SLC45A2: variants seen among roughly 807,000 people sequenced by gnomAD.
The protein encoded by SLC45A2 is membrane-associated transporter protein.
A neutral mutation model predicts 45.5 loss-of-function variants in SLC45A2; 36 were observed. That is an observed-to-expected ratio of 0.79 (90% CI 0.61 to 1.04). The LOEUF (loss-of-function observed/expected upper bound fraction) is 1.04, where lower values mean the gene tolerates loss of function less well. Among genes scored for constraint, SLC45A2 ranks in the 50% least tolerant of loss-of-function variants. The probability of loss-of-function intolerance (pLI) is 0.00; values close to 1 mark genes in which losing one functional copy is unlikely to be tolerated. For synonymous variants in SLC45A2, 306 were observed against 269.3 expected, an observed-to-expected ratio of 1.14 and a Z score of -1.33; for missense variants, 719 against 671.0, an observed-to-expected ratio of 1.07 and a Z score of -0.79.
At position 33,952,667 on chromosome 5, in the gene SLC45A2, A is replaced by C. The variant is rs372883614; in HGVS notation, c.1033-990T>G. On this transcript the variant is annotated intron_variant, in intron 4 of 6. Coordinates refer to ENST00000296589, the MANE Select transcript of SLC45A2 (RefSeq NM_016180.5). ...GGAGCTAACAAGTTAATTTCTATTG[A>C]GCAAAAGTTTTTTTTTTTTTTTTAA... Among the ~76,000 whole-genome samples the C allele has an allele frequency of 4.7e-3, 670 of 141,248 alleles. 5 individuals carry two copies. Among genetic ancestry groups the C allele is most frequent in the African/African-American group, 0.015 (569 of 38,292 alleles). 92.7% of individuals were successfully genotyped at this position (141,248 alleles called of 152,430 possible). A position where few individuals can be genotyped will look rare whatever the true frequency, so the allele number is the denominator to read the frequency against.
At chr5:33,967,783 GACACACACACACACACACACAC>G (rs10529094) in intron 2 of SLC45A2, among the ~76,000 whole-genome samples, 46 of 146,976 alleles carry the variant, frequency 3.1e-4, no homozygotes, top group Non-Finnish European at 5.8e-4. Context: ...TATTTTGCTA[GACACACACACACACACACACAC>G]ACACACACAC....
chr5:33,947,739 G>A (rs1405574045), intron 5 of SLC45A2, among the ~76,000 whole-genome samples: 2 of 152,196 alleles, frequency 1.3e-5, no homozygotes, highest in African/African-American at 2.4e-5. Context: ...AATCAGATGG[G>A]CTGTGGCCCC....
At chr5:33,958,356 G>A (rs950033657) in intron 3 of SLC45A2, among the ~76,000 whole-genome samples, 1 of 152,162 alleles carries the variant, frequency 6.6e-6, no homozygotes, top group Admixed American at 6.5e-5. Flanking sequence ...CAGCCCTGAA[G>A]CCTTGGCCCT....
chr5:33,982,923 G>C (rs139596355), intron 1 of SLC45A2, among the ~76,000 whole-genome samples: 2 of 152,182 alleles, frequency 1.3e-5, no homozygotes, highest in South Asian at 2.1e-4. Context: ...CTCCTTTTAC[G>C]CACTTCTGCA....
At chr5:33,960,720 A>G (rs1752428373) in intron 3 of SLC45A2, among the ~76,000 whole-genome samples, 1 of 152,190 alleles carries the variant, frequency 6.6e-6, no homozygotes, top group Non-Finnish European at 1.5e-5. Context: ...GAACTTACTC[A>G]TGTAACCAAA....
At chr5:33,952,259 G>T (rs1752129612) in intron 4 of SLC45A2, among the ~76,000 whole-genome samples, 1 of 151,976 alleles carries the variant, frequency 6.6e-6, no homozygotes, top group African/African-American at 2.4e-5. Flanking sequence ...CGAAAGCACT[G>T]AGATTACAGG....
chr5:33,946,512 G>C, intron 6 of SLC45A2: 1 of 985,618 alleles, frequency 1.0e-6, no homozygotes, highest in African/African-American at 1.7e-5. Flanking sequence ...TAATTTTAGA[G>C]TGGAAACACC....
rs121912620 is a variant in SLC45A2 at position 33,944,784 on chromosome 5, G to A, written c.1457C>T (p.Ala486Val). 5 of 1,614,048 alleles carry A rather than the reference G, an allele frequency of 3.1e-6. No individual in the cohort carries two copies. Among genetic ancestry groups the A allele is most frequent in the Non-Finnish European group, 4.2e-6 (5 of 1,180,038 alleles). Residue 486 changes from alanine (A) to valine (V), a missense_variant, in exon 7 of 7, where the codon GCT becomes GTT. Ala to Val is a moderately conservative substitution (Grantham distance 64). Transcript: ENST00000296589. ...CATLTCMVQL[A>V]QILVGGGLGF... ...CAGGCCACCTCCGACCAGGATCTGA[G>A]CCAGCTGCACCATGCATGTGAGGGT...
intron 2 of SLC45A2, among the ~76,000 whole-genome samples, chr5:33,969,588 C>T (rs1752722391): frequency 6.6e-6 from 1 of 152,128 alleles, no homozygotes; most frequent in African/African-American, 2.4e-5. Flanking sequence ...TTCAGAGTTC[C>T]GAAAGCCCTT....
At chr5:33,946,243 C>T (rs1159759994) in intron 6 of SLC45A2, 2 of 985,286 alleles carry the variant, frequency 2.0e-6, no homozygotes, top group Admixed American at 1.2e-4. Flanking sequence ...CAATGTTTGC[C>T]AGGGGATGAG....
intron 1 of SLC45A2, 50 bp from the exon 2 acceptor site, chr5:33,982,462 C>T (rs1268617533): frequency 3.8e-6 from 6 of 1,577,328 alleles, no homozygotes; most frequent in South Asian, 2.3e-5. Flanking sequence ...TAGAATCATC[C>T]GCGTTTTGTA....
intron 2 of SLC45A2, among the ~76,000 whole-genome samples, chr5:33,966,696 T>C (rs1446849218): frequency 6.6e-6 from 1 of 152,162 alleles, no homozygotes; most frequent in Non-Finnish European, 1.5e-5. Context: ...TGGTGCTAGT[T>C]AATAGTAACA....
At chr5:33,951,339 G>T (rs1752088645) in intron 5 of SLC45A2, 1 of 1,306,282 alleles carries the variant, frequency 7.7e-7, no homozygotes, top group African/African-American at 1.5e-5. Flanking sequence ...GATTCCAAGA[G>T]CAAAGTAATC....
At chr5:33,984,084 A>C in intron 1 of SLC45A2, 115 bp downstream of exon 1, 2 of 1,460,638 alleles carry the variant, frequency 1.4e-6, no homozygotes, top group Non-Finnish European at 1.9e-6. Flanking sequence ...GTAACCTAGG[A>C]GAGATCAATT....
At chr5:33,950,907 A>G (rs576315463) in intron 5 of SLC45A2, among the ~76,000 whole-genome samples, 1 of 152,216 alleles carries the variant, frequency 6.6e-6, no homozygotes, top group Admixed American at 6.5e-5. Context: ...TCGCAAGTAC[A>G]ATGCAGCCTG....
chr5:33,981,153 C>T (rs1024974513), intron 2 of SLC45A2, among the ~76,000 whole-genome samples: 3 of 152,220 alleles, frequency 2.0e-5, no homozygotes, highest in African/African-American at 7.2e-5. Flanking sequence ...ACATAGTGGG[C>T]AGGGGCCAGT....
intron 2 of SLC45A2, among the ~76,000 whole-genome samples, chr5:33,964,396 A>G (rs1398294439): frequency 6.6e-6 from 1 of 152,210 alleles, no homozygotes; most frequent in East Asian, 1.9e-4. Context: ...CATTCTCTAG[A>G]CTGCTTTTGA....
chr5:33,947,479 T>C, intron 5 of SLC45A2, 105 bp from the exon 6 acceptor site: 1 of 1,084,670 alleles, frequency 9.2e-7, no homozygotes, highest in Non-Finnish European at 1.4e-6. Context: ...AGACATCCTT[T>C]GATACTGAGC....
At chr5:33,966,473 G>A (rs912065701) in intron 2 of SLC45A2, among the ~76,000 whole-genome samples, 3 of 125,462 alleles carry the variant, frequency 2.4e-5, no homozygotes, top group African/African-American at 3.2e-5. Flanking sequence ...TCGCTCTGTC[G>A]CCCAGGCCGG....
Sources: allele counts gnomAD v4.1 joint callset (sites outside exome capture counted in the v4.1 genomes callset), GRCh38; gene constraint gnomAD v4.1.1; transcripts MANE v1.5; gene names NCBI Gene and HGNC (gene_info 2026-07-23, HGNC 2026-07-21).